NRXN1: variants seen among roughly 807,000 people sequenced by gnomAD.
The protein encoded by NRXN1 is neurexin-1.
NRXN1 carries 39 observed loss-of-function variants against 150.9 expected under a neutral mutation model. The observed-to-expected ratio is 0.26, with a 90% confidence interval of 0.20 to 0.34. NRXN1 has a LOEUF of 0.34. NRXN1 is among the 10% of genes least tolerant of loss of function. The probability of loss-of-function intolerance (pLI) is 1.00; values close to 1 mark genes in which losing one functional copy is unlikely to be tolerated. For synonymous variants in NRXN1, 924 were observed against 757.0 expected (o/e 1.22, Z -3.62); for missense variants, 1,815 against 1,949.9 (o/e 0.93, Z 1.30).
chr2:50,424,660 T>A (rs891361757), intron 17 of NRXN1, among the ~76,000 whole-genome samples: 1 of 152,196 alleles, frequency 6.6e-6, no homozygotes, highest in Non-Finnish European at 1.5e-5. Context: ...TAATTAATTA[T>A]ATGACTTCTA....
intron 17 of NRXN1, among the ~76,000 whole-genome samples, chr2:50,317,865 T>C (rs1329550131): frequency 6.6e-6 from 1 of 152,084 alleles, no homozygotes; most frequent in Non-Finnish European, 1.5e-5. Context: ...GAGGAAAATA[T>C]TAGTTAACAT....
chr2:50,621,238 A>G lies in NRXN1; in HGVS notation c.1146T>C (p.Ile382=), dbSNP rs903228378. Residue 382 remains isoleucine, a synonymous_variant, in exon 7 of 23, where the codon ATT becomes ATC. Coordinates refer to ENST00000401669, the MANE Select transcript of NRXN1 (RefSeq NM_001330078.2). ...GTAGTTTGTTTACCATAGCGTGTCCAATGCCTGAGTGCTTTGTGGAGAAGG... is the reference window on the plus strand; with the variant it reads ...GTAGTTTGTTTACCATAGCGTGTCCGATGCCTGAGTGCTTTGTGGAGAAGG... ...VTRNLRQHSG[I]GHAMVTISVD... 1.3e-6 allele frequency: 2 copies of G among 1,572,270 alleles called. No homozygotes were observed. Among genetic ancestry groups the G allele is most frequent in the African/African-American group, 1.3e-5 (1 of 74,128 alleles).
At chr2:50,951,854 T>C (rs1384558467) in intron 2 of NRXN1, among the ~76,000 whole-genome samples, 3 of 150,266 alleles carry the variant, frequency 2.0e-5, no homozygotes, top group African/African-American at 7.3e-5. Context: ...TTAAAAATAA[T>C]ATATGTTATA....
intron 17 of NRXN1, among the ~76,000 whole-genome samples, chr2:50,404,597 A>G (rs2082621684): frequency 6.6e-6 from 1 of 152,074 alleles, no homozygotes; most frequent in African/African-American, 2.4e-5. Flanking sequence ...TTCTACCTAA[A>G]CTATAGGCTC....
rs746516199 is a variant in NRXN1, at chr2:50,739,475, G to A, written c.833-115860C>T. On this transcript the variant is annotated intron_variant, in intron 5 of 22. Transcript: ENST00000401669. Reference sequence around the variant, plus strand: ...CCTAAGCAAACCTGCAATTTTATACGTTTTAAACTGAATGAACTTGTTTGT... The same window carrying A: ...CCTAAGCAAACCTGCAATTTTATACATTTTAAACTGAATGAACTTGTTTGT... 9.9e-5 allele frequency among the ~76,000 whole-genome samples: 15 copies of A among 152,096 alleles called. No individual in the cohort carries two copies. In the South Asian group the frequency reaches 1.0e-3, roughly 11 times the overall value.
At chr2:50,333,990 T>C (rs2076998420) in intron 17 of NRXN1, among the ~76,000 whole-genome samples, 1 of 151,866 alleles carries the variant, frequency 6.6e-6, no homozygotes, top group Non-Finnish European at 1.5e-5. Flanking sequence ...AGTGAGGATA[T>C]TAGGACATCC....
rs996359906 is a variant in NRXN1, at chr2:49,921,818, C to T, written c.*126G>A. Reference sequence around the variant, plus strand: ...GTTTTTATTTTTTAAAAAGTCTTTCCTTCCTGATTGCATTCCCTGTCTTCT... The same window carrying T: ...GTTTTTATTTTTTAAAAAGTCTTTCTTTCCTGATTGCATTCCCTGTCTTCT... On this transcript the variant is annotated 3_prime_UTR_variant, in exon 23 of 23. Transcript: ENST00000401669. The T allele has an allele frequency of 4.2e-6, 4 of 951,832 alleles. No homozygotes were observed. In the South Asian group the frequency reaches 5.3e-5, roughly 13 times the overall value. The allele number at this position is 951,832 out of a possible 1,614,324, so 59.0% of individuals were successfully genotyped here. A position where few individuals can be genotyped will look rare whatever the true frequency, so the allele number is the denominator to read the frequency against.
At chr2:50,926,745 T>C (rs7602202) in intron 2 of NRXN1, among the ~76,000 whole-genome samples, 117,356 of 151,602 alleles carry the variant, frequency 0.77, 45,507 homozygotes, top group East Asian at 0.89. Flanking sequence ...AATATTTAGC[T>C]CAATTTCTCT....
At position 50,687,341 on chromosome 2, in the gene NRXN1, A is replaced by G. The variant is rs563458731; in HGVS notation, c.833-63726T>C. On this transcript the variant is annotated intron_variant, in intron 5 of 22. Coordinates refer to ENST00000401669, the MANE Select transcript of NRXN1 (RefSeq NM_001330078.2). ...AACTGCTACATTCCTGTCTTCCTAC[A>G]TAGATACTTCTAAACATAATACTAT... 2.0e-5 allele frequency among the ~76,000 whole-genome samples: 3 copies of G among 152,332 alleles called. No individual in the cohort carries two copies. In the South Asian group the frequency reaches 6.2e-4, roughly 32 times the overall value.
At chr2:50,274,563 T>G (rs571663058) in intron 17 of NRXN1, among the ~76,000 whole-genome samples, 1 of 151,940 alleles carries the variant, frequency 6.6e-6, no homozygotes, top group African/African-American at 2.4e-5. Flanking sequence ...AGAGTATAAT[T>G]TAAAAAAAGA....
rs115449186 is a variant in NRXN1, at chr2:50,660,752, G to A, written c.833-37137C>T. Among the ~76,000 whole-genome samples the A allele has an allele frequency of 2.3e-3, 343 of 151,962 alleles. 2 individuals carry two copies. Among genetic ancestry groups the A allele is most frequent in the African/African-American group, 7.7e-3 (320 of 41,482 alleles). Reference sequence around the variant, plus strand: ...CTGGCTGTCTCTGACTTGAATTTAGGGTCCTCCAAGATACTGGAGCACTAC... The same window carrying A: ...CTGGCTGTCTCTGACTTGAATTTAGAGTCCTCCAAGATACTGGAGCACTAC... On this transcript the variant is annotated intron_variant, in intron 5 of 22. Transcript: ENST00000401669.
At chr2:51,004,920 T>C (rs983601218) in intron 2 of NRXN1, among the ~76,000 whole-genome samples, 7 of 151,968 alleles carry the variant, frequency 4.6e-5, no homozygotes, top group East Asian at 1.9e-4. Context: ...TTTTAGACTA[T>C]AGTAAAACTT....
chr2:50,681,403 A>C (rs1690385673), intron 5 of NRXN1, among the ~76,000 whole-genome samples: 1 of 152,284 alleles, frequency 6.6e-6, no homozygotes, highest in African/African-American at 2.4e-5. Flanking sequence ...TCTGTGTCTT[A>C]TGCTTCTATT....
intron 8 of NRXN1, chr2:50,554,389 G>C (rs1285967121): frequency 2.6e-5 from 4 of 152,236 alleles, no homozygotes; most frequent in African/African-American, 9.6e-5. Context: ...TTATTTTTCA[G>C]AGTAATTAAG....
rs75889492 is a variant in NRXN1, at chr2:50,503,759, A to C, written c.2497+2736T>G. 4.1e-3 allele frequency among the ~76,000 whole-genome samples: 624 copies of C among 152,234 alleles called. 5 individuals are homozygous for C. The highest frequency in any genetic ancestry group is 0.014 in the African/African-American group (595 of 41,542). ...CTAAATCTAGGGCAAAATTTTGATG[A>C]GTTACAGGATATTTACATGGTCTTA... On this transcript the variant is annotated intron_variant, in intron 13 of 22. Coordinates refer to ENST00000401669, the MANE Select transcript of NRXN1 (RefSeq NM_001330078.2).
At chr2:50,263,717 C>CA (rs2068548943) in intron 17 of NRXN1, among the ~76,000 whole-genome samples, 1 of 152,060 alleles carries the variant, frequency 6.6e-6, no homozygotes, top group African/African-American at 2.4e-5. Flanking sequence ...TTCAAGAAAT[C>CA]AGAGTATGCA....
At position 50,337,591 on chromosome 2, in the gene NRXN1, T is replaced by C. The variant is rs537244873; in HGVS notation, c.3365-100621A>G. The stretch of plus-strand genomic sequence containing the variant: ...AGAGTTTAAAACAGCACCTGGCATA[T>C]AACAAGCACTGAGTGATTGTTCAAT... On this transcript the variant is annotated intron_variant, in intron 17 of 22. Coordinates refer to ENST00000401669, the MANE Select transcript of NRXN1 (RefSeq NM_001330078.2). Among the ~76,000 whole-genome samples the C allele has an allele frequency of 2.9e-4, 44 of 152,334 alleles. No individual in the cohort carries two copies. In the South Asian group the frequency reaches 6.0e-3, roughly 21 times the overall value.
intron 21 of NRXN1, among the ~76,000 whole-genome samples, chr2:50,030,725 T>C (rs1191157043): frequency 1.3e-5 from 2 of 152,188 alleles, no homozygotes; most frequent in Non-Finnish European, 2.9e-5. Flanking sequence ...ATGGCTTAGA[T>C]ATTGGTTTGG....
intron 22 of NRXN1, among the ~76,000 whole-genome samples, chr2:49,935,634 A>C (rs1446153337): frequency 2.0e-5 from 3 of 152,228 alleles, no homozygotes; most frequent in Non-Finnish European, 4.4e-5. Context: ...ATGTGCCAAC[A>C]ATGAAAGCAT....
Sources: allele counts gnomAD v4.1 joint callset (sites outside exome capture counted in the v4.1 genomes callset), GRCh38; gene constraint gnomAD v4.1.1; transcripts MANE v1.5; gene names NCBI Gene and HGNC (gene_info 2026-07-23, HGNC 2026-07-21).